ANKRD44: variants seen among roughly 807,000 people sequenced by gnomAD.
The protein encoded by ANKRD44 is ankyrin repeat domain 44.
In ANKRD44, 35 loss-of-function variants were observed where a neutral mutation model predicts 116.0. The observed-to-expected ratio is 0.30, with a 90% CI of 0.23 to 0.40. The LOEUF (loss-of-function observed/expected upper bound fraction) is 0.40, where lower values mean the gene tolerates loss of function less well. ANKRD44 is among the 10% of genes least tolerant of loss of function. The probability of loss-of-function intolerance (pLI) is 1.00; values close to 1 mark genes in which losing one functional copy is unlikely to be tolerated. For synonymous variants in ANKRD44, 435 were observed against 461.8 expected (o/e 0.94, Z 0.74); for missense variants, 1,014 against 1,242.6 (o/e 0.82, Z 2.77).
At chr2:197,071,996 C>T (rs1207964923) in intron 16 of ANKRD44, among the ~76,000 whole-genome samples, 2 of 151,116 alleles carry the variant, frequency 1.3e-5, no homozygotes, top group Non-Finnish European at 2.9e-5. Flanking sequence ...TCTGCTCAGG[C>T]TTCCCTAGTG....
chr2:197,191,355 C>T (rs2080817890), intron 1 of ANKRD44, among the ~76,000 whole-genome samples: 1 of 152,164 alleles, frequency 6.6e-6, no homozygotes, highest in Non-Finnish European at 1.5e-5. Context: ...AAGCTGATGA[C>T]ACTTGACCCC....
chr2:196,985,388 A>C (rs555498402), downstream of ANKRD44, among the ~76,000 whole-genome samples: 447 of 152,366 alleles, frequency 2.9e-3, 11 homozygotes, highest in Admixed American at 3.5e-3. Context: ...TAATATACCC[A>C]GTCTACTCTA....
At chr2:196,984,702 C>G (rs1157596624), downstream of ANKRD44, among the ~76,000 whole-genome samples, 1 of 152,274 alleles carries the variant, frequency 6.6e-6, no homozygotes, top group East Asian at 1.9e-4. Context: ...CTTATGAGAA[C>G]ACAATTAAAA....
At chr2:197,279,147 A>G (rs6727480) in intron 1 of ANKRD44, among the ~76,000 whole-genome samples, 28,749 of 152,152 alleles carry the variant, frequency 0.19, 2,897 homozygotes, top group Middle Eastern at 0.33. Flanking sequence ...TTCAGTCCAC[A>G]TTTCAAAGAC....
At chr2:197,155,750 G>A (rs2079793057) in intron 2 of ANKRD44, among the ~76,000 whole-genome samples, 1 of 152,048 alleles carries the variant, frequency 6.6e-6, no homozygotes, top group East Asian at 1.9e-4. Flanking sequence ...TTTCACCTTG[G>A]GTTAAGCAAA....
intron 16 of ANKRD44, among the ~76,000 whole-genome samples, chr2:197,046,462 T>G (rs1304325839): frequency 6.6e-6 from 1 of 152,176 alleles, no homozygotes; most frequent in Non-Finnish European, 1.5e-5. Context: ...CCAGTATTAT[T>G]CACTCCTATC....
At chr2:197,091,387 G>A (rs13397301) in intron 10 of ANKRD44, among the ~76,000 whole-genome samples, 5,652 of 152,306 alleles carry the variant, frequency 0.037, 362 homozygotes, top group African/African-American at 0.13. Context: ...GTCCCACAAA[G>A]GGGTCAGGGA....
At chr2:197,142,809 T>G (rs1047130868) in intron 3 of ANKRD44, among the ~76,000 whole-genome samples, 36 of 152,114 alleles carry the variant, frequency 2.4e-4, no homozygotes, top group African/African-American at 8.5e-4. Flanking sequence ...TGAAAATTTT[T>G]GGGAATAATT....
At position 196,987,662 on chromosome 2, in the gene ANKRD44, C is replaced by A. The variant is rs113061711; in HGVS notation, c.*1929G>T. 1.0e-6 allele frequency: 1 copy of A among 985,376 alleles called. No homozygotes were observed. Among genetic ancestry groups the A allele is most frequent in the South Asian group, 4.7e-5 (1 of 21,286 alleles). 61.0% of individuals were successfully genotyped at this position (985,376 alleles called of 1,614,324 possible). A position where few individuals can be genotyped will look rare whatever the true frequency, so the allele number is the denominator to read the frequency against. ...AAATAGAAATACCCTGAGCTATTTA[C>A]TGTAGAATCATAGCAGATTTTAGGC... On this transcript the variant is annotated 3_prime_UTR_variant, in exon 28 of 28. Transcript: ENST00000282272.
intron 1 of ANKRD44, among the ~76,000 whole-genome samples, chr2:197,206,045 AG>A (rs1333714850): frequency 6.6e-6 from 1 of 152,178 alleles, no homozygotes; most frequent in Non-Finnish European, 1.5e-5. Flanking sequence ...ACTGAACAGA[AG>A]GGGGTGACAT....
chr2:197,019,249 AT>A (rs1030730472), intron 17 of ANKRD44, among the ~76,000 whole-genome samples: 13 of 152,192 alleles, frequency 8.5e-5, no homozygotes, highest in African/African-American at 2.4e-4. Flanking sequence ...ACTACACACA[AT>A]GCCTGGCTTG....
chr2:197,075,956 G>C (rs1422372992), intron 16 of ANKRD44, among the ~76,000 whole-genome samples: 1 of 152,156 alleles, frequency 6.6e-6, no homozygotes, highest in African/African-American at 2.4e-5. Flanking sequence ...CATTTCATCA[G>C]CCTCACAAAT....
chr2:197,217,065 T>G (rs1574293742), intron 1 of ANKRD44, among the ~76,000 whole-genome samples: 1 of 152,228 alleles, frequency 6.6e-6, no homozygotes, highest in Non-Finnish European at 1.5e-5. Flanking sequence ...AAGGTTTGAC[T>G]ATTTTCTCAT....
At chr2:197,193,907 A>G (rs1431478640) in intron 1 of ANKRD44, among the ~76,000 whole-genome samples, 3 of 152,120 alleles carry the variant, frequency 2.0e-5, no homozygotes, top group African/African-American at 7.2e-5. Context: ...ACATAAATAA[A>G]TAATAAAAAA....
intron 16 of ANKRD44, among the ~76,000 whole-genome samples, chr2:197,048,689 C>T (rs2077050127): frequency 6.6e-6 from 1 of 152,144 alleles, no homozygotes; most frequent in Non-Finnish European, 1.5e-5. Context: ...ATTTATAATC[C>T]TTTGGCTATA....
intron 1 of ANKRD44, among the ~76,000 whole-genome samples, chr2:197,190,171 T>C (rs967057864): frequency 6.6e-6 from 1 of 152,214 alleles, no homozygotes; most frequent in East Asian, 1.9e-4. Flanking sequence ...TGCATACATA[T>C]GCACCTAGGT....
chr2:196,996,474 C>G (rs1333617073), intron 25 of ANKRD44, among the ~76,000 whole-genome samples: 19 of 152,178 alleles, frequency 1.2e-4, no homozygotes, highest in Admixed American at 1.2e-3. Context: ...TGGGTGCCAA[C>G]TGGCTTCATA....
intron 16 of ANKRD44, among the ~76,000 whole-genome samples, chr2:197,055,405 T>C (rs2077184633): frequency 6.6e-6 from 1 of 152,198 alleles, no homozygotes; most frequent in African/African-American, 2.4e-5. Flanking sequence ...CTTGCCTTTG[T>C]TCTCTCTTAA....
At chr2:197,017,926 G>T (rs2076422172) in intron 17 of ANKRD44, among the ~76,000 whole-genome samples, 1 of 152,222 alleles carries the variant, frequency 6.6e-6, no homozygotes, top group South Asian at 2.1e-4. Flanking sequence ...GGAAGTGTCT[G>T]CTGAAAGCAA....
Sources: allele counts gnomAD v4.1 joint callset (sites outside exome capture counted in the v4.1 genomes callset), GRCh38; gene constraint gnomAD v4.1.1; transcripts MANE v1.5; gene names NCBI Gene and HGNC (gene_info 2026-07-23, HGNC 2026-07-21).